ASIC2: variants seen among roughly 807,000 people sequenced by gnomAD.
ASIC2 encodes the protein acid sensing ion channel subunit 2.
ASIC2 carries 25 observed loss-of-function variants against 57.3 expected under a neutral mutation model. That is an observed-to-expected ratio of 0.44 (90% confidence interval 0.32 to 0.61). The LOEUF (loss-of-function observed/expected upper bound fraction) is 0.61. Among genes scored for constraint, ASIC2 ranks in the 20% least tolerant of loss-of-function variants. ASIC2 has a pLI of 0.06. For synonymous variants in ASIC2, 319 were observed against 307.5 expected, an observed-to-expected ratio of 1.04 and a Z score of -0.39; for missense variants, 641 against 738.1, an observed-to-expected ratio of 0.87 and a Z score of 1.52.
chr17:33,847,558 T>C (rs1190496557), intron 1 of ASIC2, among the ~76,000 whole-genome samples: 1 of 152,156 alleles, frequency 6.6e-6, no homozygotes, highest in African/African-American at 2.4e-5. Flanking sequence ...ACAGTCACTC[T>C]TTTCCCACAC....
At chr17:33,454,808 C>A (rs1353084493) in intron 1 of ASIC2, among the ~76,000 whole-genome samples, 1 of 152,164 alleles carries the variant, frequency 6.6e-6, no homozygotes. Context: ...GTTATTGTTT[C>A]CTCACATGGT....
intron 1 of ASIC2, among the ~76,000 whole-genome samples, chr17:33,424,895 G>C (rs901589632): frequency 6.6e-6 from 1 of 152,190 alleles, no homozygotes; most frequent in Non-Finnish European, 1.5e-5. Context: ...CAACCTGGGA[G>C]CCACTTGCAC....
At chr17:33,977,073 A>G (rs1905418000) in intron 1 of ASIC2, among the ~76,000 whole-genome samples, 1 of 152,120 alleles carries the variant, frequency 6.6e-6, no homozygotes, top group Non-Finnish European at 1.5e-5. Context: ...GTGCAGCTGC[A>G]TTCTGGCCCT....
rs1300602387 is a variant in ASIC2, at chr17:33,116,571, T to C, written c.709-4504A>G. Among the ~76,000 whole-genome samples, 4 of 152,152 alleles carry C rather than the reference T, an allele frequency of 2.6e-5. No individual in the cohort carries two copies. In the East Asian group the frequency reaches 7.7e-4, roughly 29 times the overall value. ...GAGTCTAGAATTGCACTTAGTTGGA[T>C]TGGTCTGTAAGAATTAATTATGAAT... is the stretch of plus-strand genomic sequence containing the variant. On this transcript the variant is annotated intron_variant, in intron 1 of 9. Coordinates refer to ENST00000225823, the MANE Select transcript of ASIC2 (RefSeq NM_183377.2).
At position 34,021,141 on chromosome 17, in the gene ASIC2, T is replaced by C. The variant is rs563873352; in HGVS notation, c.555+134837A>G. Among the ~76,000 whole-genome samples, 3 of 152,064 alleles carry C rather than the reference T, an allele frequency of 2.0e-5. No individual in the cohort carries two copies. The East Asian group carries it at 5.8e-4, about 29-fold the overall frequency. On this transcript the variant is annotated intron_variant, in intron 1 of 9. Transcript: ENST00000359872. Reference sequence around the variant, plus strand: ...AAAAGACTACACATTGGGTACTGTGTACACTGCTTGGGTGACGGGTGCACC... The same window carrying C: ...AAAAGACTACACATTGGGTACTGTGCACACTGCTTGGGTGACGGGTGCACC...
chr17:33,630,221 C>T (rs1212568703), intron 1 of ASIC2, among the ~76,000 whole-genome samples: 1 of 152,134 alleles, frequency 6.6e-6, no homozygotes, highest in Non-Finnish European at 1.5e-5. Context: ...GCTTCTTCAT[C>T]TATCAGTTCC....
At chr17:33,456,091 T>C (rs184521031) in intron 1 of ASIC2, among the ~76,000 whole-genome samples, 2 of 152,142 alleles carry the variant, frequency 1.3e-5, no homozygotes, top group Admixed American at 6.5e-5. Context: ...CCAGCTCTCA[T>C]TTAGTTTTTC....
At chr17:33,141,691 T>C (rs1422586549) in intron 1 of ASIC2, among the ~76,000 whole-genome samples, 1 of 152,216 alleles carries the variant, frequency 6.6e-6, no homozygotes, top group Admixed American at 6.5e-5. Context: ...TCCCAGCAGA[T>C]ATAATTCCCA....
chr17:33,650,658 A>G (rs184709633), intron 1 of ASIC2, among the ~76,000 whole-genome samples: 2 of 152,318 alleles, frequency 1.3e-5, no homozygotes, highest in South Asian at 2.1e-4. Context: ...AGAACAAACT[A>G]TTGATGTACA....
At chr17:33,868,179 GTA>G (rs1454952727) in intron 1 of ASIC2, among the ~76,000 whole-genome samples, 19 of 99,190 alleles carry the variant, frequency 1.9e-4, no homozygotes, top group African/African-American at 3.5e-4. Flanking sequence ...GTCAACAAAT[GTA>G]TGTGTGTGTG....
At chr17:33,249,200 G>A (rs918972267) in intron 1 of ASIC2, among the ~76,000 whole-genome samples, 3 of 152,184 alleles carry the variant, frequency 2.0e-5, no homozygotes, top group Non-Finnish European at 4.4e-5. Context: ...GGATGAAGGT[G>A]TCCTCACCGA....
At chr17:33,765,077 G>T (rs763840986) in intron 1 of ASIC2, among the ~76,000 whole-genome samples, 1 of 152,112 alleles carries the variant, frequency 6.6e-6, no homozygotes, top group Non-Finnish European at 1.5e-5. Context: ...AACTGTGATG[G>T]TGACAGTGGA....
At chr17:33,455,793 G>A (rs1398387606) in intron 1 of ASIC2, among the ~76,000 whole-genome samples, 1 of 152,216 alleles carries the variant, frequency 6.6e-6, no homozygotes, top group Non-Finnish European at 1.5e-5. Context: ...GGGAATATCT[G>A]AAGGACTGAC....
intron 1 of ASIC2, among the ~76,000 whole-genome samples, chr17:33,421,044 C>T (rs1911027210): frequency 6.6e-6 from 1 of 152,144 alleles, no homozygotes; most frequent in African/African-American, 2.4e-5. Context: ...GGGAATGGAA[C>T]ATGGAGCAGT....
In ASIC2 at chr17:33,155,415, C is replaced by T. The variant is rs1452351265; in HGVS notation, c.709-43348G>A. Among the ~76,000 whole-genome samples, 12 of 152,314 alleles carry T rather than the reference C, an allele frequency of 7.9e-5. No individual in the cohort carries two copies. The East Asian group carries it at 1.9e-3, about 24-fold the overall frequency. Reference sequence around the variant, plus strand: ...ATTTCCTCTTCTAACTTCTGAATAGCTTTAGATACTTCTGACTTCTGAACC... The same window carrying T: ...ATTTCCTCTTCTAACTTCTGAATAGTTTTAGATACTTCTGACTTCTGAACC... On this transcript the variant is annotated intron_variant, in intron 1 of 9. Coordinates refer to ENST00000225823, the MANE Select transcript of ASIC2 (RefSeq NM_183377.2).
At chr17:33,144,643 G>C (rs1370668052) in intron 1 of ASIC2, among the ~76,000 whole-genome samples, 2 of 152,150 alleles carry the variant, frequency 1.3e-5, no homozygotes, top group Admixed American at 6.5e-5. Flanking sequence ...TAGGGTGACC[G>C]ATGCATAATT....
chr17:33,185,525 C>G (rs1301497554), intron 1 of ASIC2, among the ~76,000 whole-genome samples: 1 of 152,098 alleles, frequency 6.6e-6, no homozygotes, highest in Non-Finnish European at 1.5e-5. Flanking sequence ...CCCTGCCTTA[C>G]TGCCAGGAGA....
intron 1 of ASIC2, among the ~76,000 whole-genome samples, chr17:33,470,838 TC>T (rs1187359663): frequency 7.9e-5 from 12 of 151,770 alleles, no homozygotes; most frequent in African/African-American, 2.9e-4. Context: ...TGTACTTGCT[TC>T]CACCTGACTC....
At chr17:33,915,241 C>A (rs1180057272) in intron 1 of ASIC2, among the ~76,000 whole-genome samples, 1 of 152,206 alleles carries the variant, frequency 6.6e-6, no homozygotes. Context: ...GACAATACAC[C>A]TTTACAGGTG....
Sources: allele counts gnomAD v4.1 joint callset (sites outside exome capture counted in the v4.1 genomes callset), GRCh38; gene constraint gnomAD v4.1.1; transcripts MANE v1.5; gene names NCBI Gene and HGNC (gene_info 2026-07-23, HGNC 2026-07-21).